CDH10: variants seen among roughly 807,000 people sequenced by gnomAD.
CDH10 encodes cadherin-10.
In CDH10, 30 loss-of-function variants were observed where a neutral mutation model predicts 73.1. The ratio of observed to expected loss-of-function variants is 0.41; its 90% CI spans 0.31 to 0.56. The LOEUF is 0.56. CDH10 is among the 20% of genes least tolerant of loss of function. The pLI is 0.27. For missense variants in CDH10, 815 were observed against 973.7 expected (o/e 0.84, Z 2.17); for synonymous variants, 345 against 348.2 (o/e 0.99, Z 0.10).
intron 1 of CDH10, among the ~76,000 whole-genome samples, chr5:24,601,030 C>A (rs1746544894): frequency 6.6e-6 from 1 of 151,718 alleles, no homozygotes; most frequent in Admixed American, 6.6e-5. Flanking sequence ...CATTTTACAA[C>A]TGCATTTAAG....
At chr5:24,610,727 G>T (rs761894368) in intron 1 of CDH10, among the ~76,000 whole-genome samples, 31 of 152,102 alleles carry the variant, frequency 2.0e-4, no homozygotes, top group Non-Finnish European at 3.8e-4. Flanking sequence ...GATTTTAAAT[G>T]CCTTGTACCT....
chr5:24,623,096 T>C (rs1390272060), intron 1 of CDH10, among the ~76,000 whole-genome samples: 2 of 152,110 alleles, frequency 1.3e-5, no homozygotes, highest in East Asian at 1.9e-4. Context: ...TTATTTCACA[T>C]TTCCTTTGTG....
chr5:24,618,352 G>A (rs60009741), intron 1 of CDH10, among the ~76,000 whole-genome samples: 3,171 of 152,260 alleles, frequency 0.021, 120 homozygotes, highest in African/African-American at 0.073. Flanking sequence ...ATGTAAAGGT[G>A]ATTGCTGAGT....
intron 2 of CDH10, among the ~76,000 whole-genome samples, chr5:24,546,329 C>A (rs73743633): frequency 6.6e-6 from 1 of 151,850 alleles, no homozygotes; most frequent in African/African-American, 2.4e-5. Context: ...GTGTTTTCCC[C>A]AATAAAAAAG....
At chr5:24,537,288 G>A in intron 3 of CDH10, 92 bp downstream of exon 3, 1 of 821,792 alleles carries the variant, frequency 1.2e-6, no homozygotes, top group Non-Finnish European at 1.9e-6. Context: ...AAATCAAAGA[G>A]GATTTCAATT....
intron 7 of CDH10, among the ~76,000 whole-genome samples, chr5:24,506,070 G>A (rs1344966107): frequency 3.3e-5 from 5 of 149,392 alleles, no homozygotes; most frequent in African/African-American, 9.9e-5. Context: ...CCAAGATTGC[G>A]TGCCACTGCA....
At chr5:24,516,669 TA>T (rs546560720) in intron 5 of CDH10, among the ~76,000 whole-genome samples, 46 of 152,160 alleles carry the variant, frequency 3.0e-4, no homozygotes, top group Middle Eastern at 3.4e-3. Flanking sequence ...CAAATCCTTC[TA>T]GATTCAGCCA....
rs888968351 is a variant in CDH10 at position 24,493,421 on chromosome 5, C to A, written c.1516-496G>T. Among the ~76,000 whole-genome samples, 132 of 151,732 alleles carry A rather than the reference C, an allele frequency of 8.7e-4. 3 individuals are homozygous for A. Among genetic ancestry groups the A allele is most frequent in the Non-Finnish European group, 3.2e-4 (22 of 67,778 alleles). Reference sequence around the variant, plus strand: ...TGAGAGTAAAAGTTCAATTAACTTACACTTTCAATAAAATTGTATTTTAAA... The same window carrying A: ...TGAGAGTAAAAGTTCAATTAACTTAAACTTTCAATAAAATTGTATTTTAAA... On this transcript the variant is annotated intron_variant, in intron 9 of 11. Coordinates refer to ENST00000264463, the MANE Select transcript of CDH10 (RefSeq NM_006727.5).
rs117972408 is a variant in CDH10, at chr5:24,503,569, G to A, written c.1393+1543C>T. 6.7e-4 allele frequency among the ~76,000 whole-genome samples: 102 copies of A among 152,242 alleles called. No homozygotes were observed. In the East Asian group the frequency reaches 0.019, roughly 28 times the overall value. On this transcript the variant is annotated intron_variant, in intron 8 of 11. Transcript: ENST00000264463. ...GGCCCCATGAATTGTCCTAGTATGGGCAAGAACTTTCATTACTAGAGACAA... is the reference window on the plus strand; with the variant it reads ...GGCCCCATGAATTGTCCTAGTATGGACAAGAACTTTCATTACTAGAGACAA...
chr5:24,502,123 G>T (rs550542045), intron 8 of CDH10, among the ~76,000 whole-genome samples: 111 of 151,882 alleles, frequency 7.3e-4, no homozygotes, highest in Middle Eastern at 3.4e-3. Flanking sequence ...GGGGTTTCAC[G>T]GTGTTAGCCA....
At chr5:24,635,447 C>T (rs929898568) in intron 1 of CDH10, among the ~76,000 whole-genome samples, 17 of 151,932 alleles carry the variant, frequency 1.1e-4, no homozygotes, top group Non-Finnish European at 1.3e-4. Context: ...TTCCTCCTCT[C>T]GAGTCTTTCC....
At chr5:24,577,767 C>G (rs1210764943) in intron 2 of CDH10, among the ~76,000 whole-genome samples, 4 of 152,094 alleles carry the variant, frequency 2.6e-5, no homozygotes, top group African/African-American at 9.7e-5. Context: ...GACGGCCATG[C>G]TCCTCTCATA....
Position 24,628,016 on chromosome 5 carries a change from G to A in CDH10, c.-124+16578C>T, listed in dbSNP as rs1268291590. On this transcript the variant is annotated intron_variant, in intron 1 of 11. Coordinates refer to ENST00000264463, the MANE Select transcript of CDH10 (RefSeq NM_006727.5). ...CATCGTGGTAATAACACAGGAATGGGAATTTTAGGTGTAAGCTCTACATCA... is the reference window on the plus strand; with the variant it reads ...CATCGTGGTAATAACACAGGAATGGAAATTTTAGGTGTAAGCTCTACATCA... Among the ~76,000 whole-genome samples, 3 of 152,188 alleles carry A rather than the reference G, an allele frequency of 2.0e-5. No individual in the cohort carries two copies. The East Asian group carries it at 5.8e-4, about 29-fold the overall frequency.
rs890411309 is a variant in CDH10, at chr5:24,491,944, A to G, written c.1625-117T>C. 5 of 625,792 alleles carry G rather than the reference A, an allele frequency of 8.0e-6. No homozygotes were observed. In the African/African-American group the frequency reaches 9.2e-5, roughly 12 times the overall value. 38.8% of individuals were successfully genotyped at this position (625,792 alleles called of 1,614,324 possible). A position where few individuals can be genotyped will look rare whatever the true frequency, so the allele number is the denominator to read the frequency against. The stretch of plus-strand genomic sequence containing the variant: ...TTTATGTAAAATATAAAATTGATAT[A>G]CATTTTCCTAAAAAACAAGTACAAT... On this transcript the variant is annotated intron_variant, in intron 10 of 11. Transcript: ENST00000264463.
chr5:24,527,424 CACAAA>C (rs752693511), intron 5 of CDH10, among the ~76,000 whole-genome samples: 44 of 150,648 alleles, frequency 2.9e-4, no homozygotes, highest in Admixed American at 4.7e-4. Context: ...TACATACATA[CACAAA>C]ACAAAATATA....
chr5:24,504,568 CG>C (rs71605678), intron 8 of CDH10, among the ~76,000 whole-genome samples: 4 of 127,160 alleles, frequency 3.1e-5, no homozygotes, highest in African/African-American at 1.2e-4. Flanking sequence ...CTCTGTCGCC[CG>C]GGCTGGAGTG....
rs1226695825 is a variant in CDH10, at chr5:24,498,611, C to T, written c.1394-92G>A. The T allele has an allele frequency of 1.0e-5, 8 of 777,328 alleles. No homozygotes were observed. In the African/African-American group the frequency reaches 1.4e-4, roughly 14 times the overall value. 48.2% of individuals were successfully genotyped at this position (777,328 alleles called of 1,614,324 possible). On this transcript the variant is annotated intron_variant, in intron 8 of 11. Transcript: ENST00000264463. ...GCATCTTGTGGGTATGAAGTGCTCA[C>T]ATACAAATAAGCATTGCAATCATTC...
chr5:24,576,633 TA>T (rs151056528), intron 2 of CDH10, among the ~76,000 whole-genome samples: 7,048 of 152,062 alleles, frequency 0.046, 285 homozygotes, highest in African/African-American at 0.094. Flanking sequence ...TAACCTAAAG[TA>T]AAAAGTAAAT....
At chr5:24,574,879 AAAAC>A (rs1399797903) in intron 2 of CDH10, among the ~76,000 whole-genome samples, 2 of 151,984 alleles carry the variant, frequency 1.3e-5, no homozygotes, top group South Asian at 2.1e-4. Context: ...GTACAAATAG[AAAAC>A]AAATAGATTA....
Sources: gnomAD v4.1 joint callset for allele counts (sites outside exome capture counted in the v4.1 genomes callset) on GRCh38, gnomAD v4.1.1 for gene constraint, MANE v1.5 for transcripts, NCBI Gene and HGNC (gene_info 2026-07-23, HGNC 2026-07-21) for gene names.